The following ROBO1 variants were observed in gnomAD, a reference collection of about 807,000 sequenced individuals.
ROBO1 encodes roundabout guidance receptor 1, also known as roundabout homolog 1.
A neutral mutation model predicts 195.9 loss-of-function variants in ROBO1; 149 were observed. The ratio of observed to expected loss-of-function variants is 0.76; its 90% CI spans 0.67 to 0.87. The LOEUF is 0.87. Among genes scored for constraint, ROBO1 ranks in the 40% least tolerant of loss-of-function variants. ROBO1 has a pLI of 0.00. For missense variants in ROBO1, 1,933 were observed against 2,068.3 expected (o/e 0.93, Z 1.27); for synonymous variants, 816 against 733.2 (o/e 1.11, Z -1.82).
chr3:78,884,890 G>A (rs1288433658), intron 4 of ROBO1, among the ~76,000 whole-genome samples: 1 of 151,792 alleles, frequency 6.6e-6, no homozygotes, highest in Non-Finnish European at 1.5e-5. Flanking sequence ...GTGTGTGTGT[G>A]TGTATTTCTC....
chr3:79,698,414 G>GGATA (rs1226042764), intron 1 of ROBO1, among the ~76,000 whole-genome samples: 1 of 151,364 alleles, frequency 6.6e-6, no homozygotes, highest in Non-Finnish European at 1.5e-5. Flanking sequence ...TAAGGTAAAT[G>GGATA]GATAGATGAA....
chr3:78,717,546 T>C, intron 6 of ROBO1, 133 bp from the exon 7 acceptor site: 1 of 904,604 alleles, frequency 1.1e-6, no homozygotes, highest in South Asian at 1.7e-5. Context: ...GTCCCCTCAT[T>C]CTAGAAGCTT....
intron 2 of ROBO1, among the ~76,000 whole-genome samples, chr3:79,463,401 A>C (rs1016063083): frequency 6.6e-6 from 1 of 150,658 alleles, no homozygotes; most frequent in South Asian, 2.1e-4. Flanking sequence ...ACAAAAAACA[A>C]AAAACAAAAA....
At chr3:78,711,921 T>G (rs1425423644) in intron 8 of ROBO1, among the ~76,000 whole-genome samples, 5 of 144,838 alleles carry the variant, frequency 3.5e-5, no homozygotes, top group Admixed American at 1.5e-4. Flanking sequence ...AGTACACAAG[T>G]AGAAAAGCCA....
chr3:79,480,823 C>A (rs568183541), intron 2 of ROBO1, among the ~76,000 whole-genome samples: 3 of 152,024 alleles, frequency 2.0e-5, no homozygotes, highest in Non-Finnish European at 4.4e-5. Flanking sequence ...GACTATGGTT[C>A]GTTTGTCTTT....
intron 4 of ROBO1, among the ~76,000 whole-genome samples, chr3:78,772,846 AT>A (rs2108437712): frequency 6.6e-6 from 1 of 152,204 alleles, no homozygotes; most frequent in African/African-American, 2.4e-5. Context: ...AGAAATTGAA[AT>A]TTTGAGAGGT....
At chr3:78,982,627 C>T (rs1197509547) in intron 3 of ROBO1, among the ~76,000 whole-genome samples, 1 of 151,932 alleles carries the variant, frequency 6.6e-6, no homozygotes, top group East Asian at 1.9e-4. Context: ...GTAAATTTTA[C>T]TTTTTTCTTT....
intron 10 of ROBO1, among the ~76,000 whole-genome samples, chr3:78,683,880 TAGGAC>T (rs2080990266): frequency 6.6e-6 from 1 of 151,828 alleles, no homozygotes; most frequent in African/African-American, 2.4e-5. Context: ...GGCCTCAAGG[TAGGAC>T]AGAAGAGTAA....
chr3:79,478,397 C>T (rs944755335), intron 2 of ROBO1, among the ~76,000 whole-genome samples: 2 of 149,796 alleles, frequency 1.3e-5, no homozygotes, highest in Non-Finnish European at 3.0e-5. Context: ...ACCCCCCCAC[C>T]CCCCAAAAAA....
At chr3:79,676,858 T>A (rs35091429) in intron 1 of ROBO1, among the ~76,000 whole-genome samples, 1 of 151,908 alleles carries the variant, frequency 6.6e-6, no homozygotes, top group Non-Finnish European at 1.5e-5. Context: ...TTCTGTCTGC[T>A]GCAAAACAAA....
chr3:78,872,424 C>T (rs145619912), intron 4 of ROBO1, among the ~76,000 whole-genome samples: 303 of 152,350 alleles, frequency 2.0e-3, no homozygotes, highest in Middle Eastern at 6.8e-3. Context: ...GCTCTTGTTT[C>T]AACTTCCCCT....
intron 4 of ROBO1, among the ~76,000 whole-genome samples, chr3:78,761,064 T>C (rs1050866519): frequency 2.0e-5 from 3 of 152,100 alleles, no homozygotes; most frequent in African/African-American, 7.2e-5. Context: ...ATATAATCAA[T>C]AGTCTAACAG....
At chr3:78,939,698 T>G (rs1488201545) in intron 3 of ROBO1, among the ~76,000 whole-genome samples, 1 of 151,320 alleles carries the variant, frequency 6.6e-6, no homozygotes, top group African/African-American at 2.4e-5. Context: ...CTGTCCTTTA[T>G]GTAGACTTTT....
chr3:78,908,964 C>A (rs2038086478), intron 4 of ROBO1, among the ~76,000 whole-genome samples: 1 of 151,654 alleles, frequency 6.6e-6, no homozygotes, highest in Non-Finnish European at 1.5e-5. Context: ...CTAAAAACAA[C>A]TAGAATGAAT....
At chr3:79,267,161 T>C (rs934501367) in intron 2 of ROBO1, among the ~76,000 whole-genome samples, 5 of 151,444 alleles carry the variant, frequency 3.3e-5, no homozygotes, top group African/African-American at 7.3e-5. Flanking sequence ...AAAGGTAAAA[T>C]AGAACACTCC....
chr3:78,989,613 G>GA (rs1203570775), intron 3 of ROBO1, among the ~76,000 whole-genome samples: 1 of 151,946 alleles, frequency 6.6e-6, no homozygotes, highest in Non-Finnish European at 1.5e-5. Flanking sequence ...GACGCTGTCT[G>GA]AAAAAAATAA....
At chr3:79,633,053 A>C (rs1945389828) in intron 1 of ROBO1, among the ~76,000 whole-genome samples, 1 of 152,180 alleles carries the variant, frequency 6.6e-6, no homozygotes, top group Non-Finnish European at 1.5e-5. Flanking sequence ...AGGGAAATAC[A>C]GGTTAAAACA....
At chr3:79,239,469 A>C (rs2082472771) in intron 2 of ROBO1, among the ~76,000 whole-genome samples, 1 of 152,200 alleles carries the variant, frequency 6.6e-6, no homozygotes, top group South Asian at 2.1e-4. Context: ...AGTTCTAAAC[A>C]TACGCTTCTA....
chr3:79,548,537 T>C (rs905611363), intron 2 of ROBO1, among the ~76,000 whole-genome samples: 3 of 152,224 alleles, frequency 2.0e-5, no homozygotes, highest in Admixed American at 2.0e-4. Flanking sequence ...GCTTATTATA[T>C]AGTTATGGTC....
Sources: gnomAD v4.1 joint callset for allele counts (sites outside exome capture counted in the v4.1 genomes callset) on GRCh38, gnomAD v4.1.1 for gene constraint, MANE v1.5 for transcripts, NCBI Gene and HGNC (gene_info 2026-07-23, HGNC 2026-07-21) for gene names.